Variants in SCN10A observed in about 807,000 individuals in gnomAD.
The protein encoded by SCN10A is sodium channel protein type 10 subunit alpha.
In SCN10A, 162 loss-of-function variants were observed where a neutral mutation model predicts 170.7. That is an observed-to-expected ratio of 0.95 (90% CI 0.84 to 1.08). The LOEUF is 1.08. Ranked by LOEUF, SCN10A falls within the 50% of genes least tolerant of loss-of-function variation. The pLI is 0.00. For synonymous variants in SCN10A, 985 were observed against 904.6 expected (o/e 1.09, Z -1.59); for missense variants, 2,527 against 2,436.9 (o/e 1.04, Z -0.78).
Position 38,697,945 on chromosome 3 carries a change from T to G in SCN10A, c.5275A>C (p.Ile1759Leu), listed in dbSNP as rs1226335596. Residue 1759 changes from isoleucine (I) to leucine (L), a missense_variant, in exon 28 of 28, where the codon ATT (isoleucine) becomes CTT (leucine). Physicochemically the swap from Ile to Leu is conservative, Grantham distance 5 (BLOSUM62 2). Coordinates refer to ENST00000449082, the MANE Select transcript of SCN10A (RefSeq NM_006514.4). ...EKFDPEATQF[I>L]TFSALSDFAD... ...AAGTCCGAGAGAGCAGAAAAGGTAA[T>G]AAACTGAGTGGCCTCTGGGTCAAAC... is the stretch of plus-strand genomic sequence containing the variant. 1 of 1,613,916 alleles carries G rather than the reference T, an allele frequency of 6.2e-7. No homozygotes were observed. The highest frequency in any genetic ancestry group is 8.5e-7 in the Non-Finnish European group (1 of 1,180,010).
chr3:38,813,764 A>G (rs1163235303), intron 1 of SCN10A, among the ~76,000 whole-genome samples: 1 of 152,252 alleles, frequency 6.6e-6, no homozygotes, highest in Admixed American at 6.5e-5. Context: ...AATGAGCAAG[A>G]TGGACCAAAG....
intron 14 of SCN10A, among the ~76,000 whole-genome samples, chr3:38,740,569 G>A (rs531919864): frequency 2.6e-5 from 4 of 152,250 alleles, no homozygotes; most frequent in African/African-American, 9.6e-5. Context: ...TGTGGTGGGG[G>A]GTAGGGTTGA....
chr3:38,750,211 C>T lies in SCN10A; in HGVS notation c.1756-27G>A, dbSNP rs774442218. ...TGTTGAGACACAAACAGAGTCAGGA[C>T]GCTCCTTTAACCTGACATCTTCATG... On this transcript the variant is annotated intron_variant, in intron 12 of 27. Transcript: ENST00000449082. 33 of 1,412,936 alleles carry T rather than the reference C, an allele frequency of 2.3e-5. 1 individual carries two copies. In the East Asian group the frequency reaches 4.3e-4, roughly 19 times the overall value. 87.5% of individuals were successfully genotyped at this position (1,412,936 alleles called of 1,614,324 possible). A position where few individuals can be genotyped will look rare whatever the true frequency, so the allele number is the denominator to read the frequency against.
chr3:38,751,788 T>C (rs9811498), intron 12 of SCN10A, among the ~76,000 whole-genome samples: 1,762 of 152,278 alleles, frequency 0.012, 36 homozygotes, highest in African/African-American at 0.039. Context: ...TTCAGATCTG[T>C]CCTAAGAAAC....
chr3:38,783,579 T>C (rs567498471), intron 4 of SCN10A, among the ~76,000 whole-genome samples: 1 of 152,094 alleles, frequency 6.6e-6, no homozygotes, highest in Non-Finnish European at 1.5e-5. Flanking sequence ...TTTTAGAATA[T>C]AACAGAAATA....
chr3:38,780,532 A>G (rs933210607), intron 4 of SCN10A, among the ~76,000 whole-genome samples: 2 of 152,050 alleles, frequency 1.3e-5, no homozygotes, highest in Non-Finnish European at 2.9e-5. Flanking sequence ...TTAAAATATT[A>G]GGTTGGTACA....
rs1441789989 is a variant in SCN10A, at chr3:38,789,038, T to C, written c.390-2A>G. ...ACCGTAATAAATAAACTGAACCACC[T>C]GAAAGGCCTGTGTTAAGGAAAAGCT... is the stretch of plus-strand genomic sequence containing the variant. On this transcript the variant is annotated splice_acceptor_variant, in intron 3 of 27. Coordinates refer to ENST00000449082, the MANE Select transcript of SCN10A (RefSeq NM_006514.4). LOFTEE classifies it high-confidence loss of function. The C allele has an allele frequency of 1.3e-6, 2 of 1,598,728 alleles. No individual in the cohort carries two copies. Among genetic ancestry groups the C allele is most frequent in the African/African-American group, 1.3e-5 (1 of 74,574 alleles).
chr3:38,767,411 T>A (rs999324111), intron 5 of SCN10A, among the ~76,000 whole-genome samples: 3 of 152,022 alleles, frequency 2.0e-5, no homozygotes, highest in African/African-American at 7.2e-5. Context: ...GCTTTAGCTG[T>A]ATCCCAGAGG....
intron 27 of SCN10A, among the ~76,000 whole-genome samples, chr3:38,699,058 CTG>C (rs975262347): frequency 1.3e-5 from 2 of 152,124 alleles, no homozygotes; most frequent in African/African-American, 2.4e-5. Context: ...AAGATTGACT[CTG>C]TTTCTGGCAC....
intron 12 of SCN10A, among the ~76,000 whole-genome samples, chr3:38,751,031 C>T (rs773296210): frequency 5.9e-5 from 9 of 152,210 alleles, no homozygotes; most frequent in Non-Finnish European, 1.2e-4. Context: ...GAGACCTGTA[C>T]AAAATGTGTT....
intron 26 of SCN10A, among the ~76,000 whole-genome samples, chr3:38,705,905 G>A (rs555656668): frequency 6.6e-5 from 10 of 152,194 alleles, no homozygotes; most frequent in African/African-American, 9.6e-5. Context: ...ATGTGGTTGG[G>A]ACTCAGCCTT....
chr3:38,776,982 C>T (rs2064083263), intron 4 of SCN10A, among the ~76,000 whole-genome samples: 1 of 151,856 alleles, frequency 6.6e-6, no homozygotes, highest in Admixed American at 6.6e-5. Flanking sequence ...AAGCCAACAC[C>T]CATTCATGAT....
At chr3:38,712,495 C>T in intron 22 of SCN10A, 50 bp from the exon 23 acceptor site, 1 of 1,572,298 alleles carries the variant, frequency 6.4e-7, no homozygotes, top group Non-Finnish European at 8.7e-7. Context: ...CCCACCCCCT[C>T]TGCTGGATTC....
At chr3:38,802,113 T>A (rs2064375081) in intron 1 of SCN10A, among the ~76,000 whole-genome samples, 2 of 152,142 alleles carry the variant, frequency 1.3e-5, no homozygotes, top group Non-Finnish European at 2.9e-5. Context: ...CTTCCTCAAA[T>A]CTTCCTCCCT....
chr3:38,778,396 C>G (rs1312488725), intron 4 of SCN10A, among the ~76,000 whole-genome samples: 1 of 151,866 alleles, frequency 6.6e-6, no homozygotes, highest in South Asian at 2.1e-4. Context: ...TGACCCCCTG[C>G]TCTCTTTACC....
chr3:38,730,291 GT>G (rs1314115396), intron 15 of SCN10A, among the ~76,000 whole-genome samples: 1 of 152,188 alleles, frequency 6.6e-6, no homozygotes, highest in African/African-American at 2.4e-5. Flanking sequence ...CAACAAAGTG[GT>G]GCTCATATAG....
chr3:38,702,515 G>A (rs1246789158), intron 26 of SCN10A, among the ~76,000 whole-genome samples: 1 of 152,350 alleles, frequency 6.6e-6, no homozygotes, highest in Non-Finnish European at 1.5e-5. Context: ...TTTTCAGTCA[G>A]CCTCGAGTTC....
rs545335944 is a variant in SCN10A at position 38,800,725 on chromosome 3, G to A, written c.-32-6683C>T. ...GGCAACTCCTGGCCAGGAACTTCAG[G>A]AAGCTTACATCCAGGGAATGAGAAC... On this transcript the variant is annotated intron_variant, in intron 1 of 27. Coordinates refer to ENST00000449082, the MANE Select transcript of SCN10A (RefSeq NM_006514.4). Among the ~76,000 whole-genome samples the A allele has an allele frequency of 1.8e-3, 267 of 152,250 alleles. 2 individuals carry two copies. The highest frequency in any genetic ancestry group is 2.9e-3 in the Non-Finnish European group (194 of 67,998).
intron 12 of SCN10A, among the ~76,000 whole-genome samples, chr3:38,750,576 G>C (rs919919041): frequency 6.6e-6 from 1 of 152,214 alleles, no homozygotes; most frequent in African/African-American, 2.4e-5. Context: ...TGTCAGACAT[G>C]TATAAAAATG....
Sources: allele counts gnomAD v4.1 joint callset (sites outside exome capture counted in the v4.1 genomes callset), GRCh38; gene constraint gnomAD v4.1.1; transcripts MANE v1.5; gene names NCBI Gene and HGNC (gene_info 2026-07-23, HGNC 2026-07-21).